IQGAP2: variants seen among roughly 807,000 people sequenced by gnomAD.
IQGAP2 encodes the protein IQ motif containing GTPase activating protein 2, also known as ras GTPase-activating-like protein IQGAP2.
Under a neutral mutation model 201.3 loss-of-function variants are expected in IQGAP2, and 173 were observed. The observed-to-expected ratio is 0.86, with a 90% CI of 0.76 to 0.98. The LOEUF is 0.98. Among genes scored for constraint, IQGAP2 ranks in the 50% least tolerant of loss-of-function variants. The probability of loss-of-function intolerance (pLI) is 0.00; values close to 1 mark genes in which losing one functional copy is unlikely to be tolerated. For synonymous variants in IQGAP2, 675 were observed against 673.9 expected, an observed-to-expected ratio of 1.00 and a Z score of -0.03; for missense variants, 1,687 against 1,864.8, an observed-to-expected ratio of 0.90 and a Z score of 1.76.
intron 1 of IQGAP2, among the ~76,000 whole-genome samples, chr5:76,413,309 C>T (rs879612499): frequency 3.9e-4 from 60 of 152,020 alleles, no homozygotes; most frequent in African/African-American, 1.2e-3. Flanking sequence ...GCTGAGACTA[C>T]AAGCACATGC....
Position 76,618,473 on chromosome 5 carries a change from G to A in IQGAP2, c.1521+7290G>A, listed in dbSNP as rs373533121. On this transcript the variant is annotated intron_variant, in intron 13 of 35. Coordinates refer to ENST00000274364, the MANE Select transcript of IQGAP2 (RefSeq NM_006633.5). ...ACCCCATGGTAGCATTTTTCACATG[G>A]AGATGTGAAGCACTTTCTTCAGGGC... The A allele has an allele frequency of 3.5e-5, 56 of 1,614,062 alleles. 1 individual carries two copies. The highest frequency in any genetic ancestry group is 4.5e-5 in the Non-Finnish European group (53 of 1,180,036).
intron 16 of IQGAP2, among the ~76,000 whole-genome samples, chr5:76,638,210 C>G (rs554112076): frequency 6.6e-6 from 1 of 152,276 alleles, no homozygotes; most frequent in East Asian, 1.9e-4. Context: ...GAAACCCCAT[C>G]TTTACTAAAA....
chr5:76,641,460 G>A (rs1751578204), intron 17 of IQGAP2, among the ~76,000 whole-genome samples: 1 of 152,128 alleles, frequency 6.6e-6, no homozygotes, highest in African/African-American at 2.4e-5. Context: ...ATGTTGAGTG[G>A]CGTCTTAGTT....
At chr5:76,595,233 C>T (rs1311775798) in intron 9 of IQGAP2, among the ~76,000 whole-genome samples, 10 of 111,588 alleles carry the variant, frequency 9.0e-5, no homozygotes, top group Admixed American at 8.9e-4. Context: ...GGACATTTTG[C>T]ATTTCTTTGC....
Position 76,701,073 on chromosome 5 carries a change from C to A in IQGAP2, c.4368-3C>A. 6.2e-7 allele frequency: 1 copy of A among 1,613,844 alleles called. No homozygotes were observed. Among genetic ancestry groups the A allele is most frequent in the South Asian group, 1.1e-5 (1 of 91,038 alleles). ...AACAAATGTTCTGTTCTTATTTTGT[C>A]AGAAATACTCGGAGATCAATTAAAC... is the stretch of plus-strand genomic sequence containing the variant. On this transcript the variant is annotated splice_region_variant and splice_polypyrimidine_tract_variant and intron_variant, in intron 33 of 35. Transcript: ENST00000274364.
chr5:76,668,858 T>C lies in IQGAP2; in HGVS notation c.2843+14T>C. 1 of 1,512,692 alleles carries C rather than the reference T, an allele frequency of 6.6e-7. No homozygotes were observed. Among genetic ancestry groups the C allele is most frequent in the Non-Finnish European group, 9.0e-7 (1 of 1,115,026 alleles). 93.7% of individuals were successfully genotyped at this position (1,512,692 alleles called of 1,614,324 possible). A position where few individuals can be genotyped will look rare whatever the true frequency, so the allele number is the denominator to read the frequency against. ...GGAAGAAATAAAGTATGTATACAAA[T>C]ATGTATGTAAAAATACCAGTGAATC... is the stretch of plus-strand genomic sequence containing the variant. On this transcript the variant is annotated intron_variant, in intron 23 of 35. Coordinates refer to ENST00000274364, the MANE Select transcript of IQGAP2 (RefSeq NM_006633.5).
At chr5:76,702,845 A>G (rs903321815) in intron 35 of IQGAP2, among the ~76,000 whole-genome samples, 2 of 152,252 alleles carry the variant, frequency 1.3e-5, no homozygotes, top group Admixed American at 6.5e-5. Context: ...TAAAGCTTAG[A>G]CAAAAGAATA....
At chr5:76,454,613 G>C (rs532097730) in intron 1 of IQGAP2, among the ~76,000 whole-genome samples, 15 of 149,768 alleles carry the variant, frequency 1.0e-4, no homozygotes, top group South Asian at 2.1e-4. Flanking sequence ...CCCTACAAAG[G>C]ACATGAACTC....
At chr5:76,416,515 G>A (rs1440030917) in intron 1 of IQGAP2, among the ~76,000 whole-genome samples, 1 of 151,154 alleles carries the variant, frequency 6.6e-6, no homozygotes, top group Non-Finnish European at 1.5e-5. Flanking sequence ...GTGATATTGG[G>A]TATAAGTTCT....
At chr5:76,566,528 G>A (rs957373332) in intron 3 of IQGAP2, among the ~76,000 whole-genome samples, 1 of 152,164 alleles carries the variant, frequency 6.6e-6, no homozygotes, top group African/African-American at 2.4e-5. Context: ...CAGCCATGCA[G>A]GCCCCATGGA....
chr5:76,677,013 GT>G (rs1744879258), intron 27 of IQGAP2: 1 of 518,722 alleles, frequency 1.9e-6, no homozygotes, highest in East Asian at 3.2e-5. Context: ...CTCCAATCCT[GT>G]TTGAGGAGCT....
intron 2 of IQGAP2, among the ~76,000 whole-genome samples, chr5:76,478,409 ATAATT>A (rs1359137929): frequency 6.6e-6 from 1 of 152,196 alleles, no homozygotes; most frequent in African/African-American, 2.4e-5. Flanking sequence ...AAGAAAAAAA[ATAATT>A]TAGCATACCC....
At chr5:76,530,642 T>TTACC (rs112528134) in intron 2 of IQGAP2, among the ~76,000 whole-genome samples, 1 of 151,658 alleles carries the variant, frequency 6.6e-6, no homozygotes, top group Non-Finnish European at 1.5e-5. Context: ...AGGAGGGCTC[T>TTACC]TTAACAATTT....
chr5:76,685,598 C>T (rs1359785717), intron 30 of IQGAP2, among the ~76,000 whole-genome samples: 5 of 152,160 alleles, frequency 3.3e-5, no homozygotes, highest in East Asian at 1.9e-4. Context: ...AAAGTCAGGC[C>T]TGTCTGGAAG....
intron 5 of IQGAP2, among the ~76,000 whole-genome samples, chr5:76,577,814 G>C (rs568586593): frequency 6.6e-6 from 1 of 152,318 alleles, no homozygotes; most frequent in South Asian, 2.1e-4. Context: ...GAACTAACAT[G>C]TCTTCAGCTT....
chr5:76,615,688 A>T (rs1425314483), intron 13 of IQGAP2: 1 of 152,116 alleles, frequency 6.6e-6, no homozygotes, highest in Admixed American at 6.5e-5. Flanking sequence ...CTGTCTAATC[A>T]CTAATGTCTT....
intron 1 of IQGAP2, among the ~76,000 whole-genome samples, chr5:76,455,086 G>A (rs1407065464): frequency 1.3e-5 from 2 of 152,112 alleles, no homozygotes; most frequent in African/African-American, 4.8e-5. Flanking sequence ...TTTCTCTTGT[G>A]TGAAATTTAT....
intron 5 of IQGAP2, among the ~76,000 whole-genome samples, chr5:76,576,173 A>G (rs1450159263): frequency 6.6e-6 from 1 of 150,738 alleles, no homozygotes; most frequent in East Asian, 2.0e-4. Context: ...ATGAGTTAAA[A>G]TTATAATTTA....
intron 20 of IQGAP2, among the ~76,000 whole-genome samples, chr5:76,657,267 C>T (rs664494): frequency 0.62 from 93,867 of 152,098 alleles, 29,258 homozygotes; most frequent in South Asian, 0.82. Flanking sequence ...TCATGTTCCC[C>T]TAACTTGGCT....
Sources: allele counts gnomAD v4.1 joint callset (sites outside exome capture counted in the v4.1 genomes callset), GRCh38; gene constraint gnomAD v4.1.1; transcripts MANE v1.5; gene names NCBI Gene and HGNC (gene_info 2026-07-23, HGNC 2026-07-21).